PCDH15: variants seen among roughly 807,000 people sequenced by gnomAD.
The protein encoded by PCDH15 is protocadherin related 15.
In PCDH15, 129 loss-of-function variants were observed where a neutral mutation model predicts 178.5. That is an observed-to-expected ratio of 0.72 (90% CI 0.63 to 0.84). PCDH15 has a LOEUF of 0.84. Among genes scored for constraint, PCDH15 ranks in the 40% least tolerant of loss-of-function variants. The probability of loss-of-function intolerance (pLI) is 0.00; values close to 1 mark genes in which losing one functional copy is unlikely to be tolerated. For synonymous variants in PCDH15, 800 were observed against 732.0 expected (o/e 1.09, Z -1.50); for missense variants, 2,230 against 2,099.9 (o/e 1.06, Z -1.21).
intron 10 of PCDH15, among the ~76,000 whole-genome samples, chr10:54,201,749 AGT>A (rs10592446): frequency 0.9 from 136,663 of 152,042 alleles, 61,577 homozygotes; most frequent in East Asian, 0.98. Context: ...ATGTTTTTCC[AGT>A]GTGTGTGTGT....
intron 23 of PCDH15, among the ~76,000 whole-genome samples, chr10:53,949,144 G>A (rs2086807270): frequency 6.6e-6 from 1 of 152,180 alleles, no homozygotes; most frequent in Non-Finnish European, 1.5e-5. Flanking sequence ...AAATGTGAAA[G>A]AGAAATTAAA....
intron 3 of PCDH15, among the ~76,000 whole-genome samples, chr10:54,437,346 C>A (rs527469247): frequency 6.6e-6 from 1 of 152,156 alleles, no homozygotes; most frequent in African/African-American, 2.4e-5. Flanking sequence ...AACAAATTAT[C>A]TGTAAGCTAA....
intron 2 of PCDH15, among the ~76,000 whole-genome samples, chr10:55,091,857 A>G (rs1842326489): frequency 6.6e-6 from 1 of 151,938 alleles, no homozygotes; most frequent in South Asian, 2.1e-4. Flanking sequence ...ACAAACAAAC[A>G]AAAAACATTT....
chr10:55,603,245 G>A (rs1483920232), intron 2 of PCDH15, among the ~76,000 whole-genome samples: 1 of 151,774 alleles, frequency 6.6e-6, no homozygotes, highest in African/African-American at 2.4e-5. Flanking sequence ...GGGACTATGT[G>A]AGATGACCAA....
chr10:54,424,797 G>A (rs1157203629), intron 3 of PCDH15, among the ~76,000 whole-genome samples: 2 of 147,660 alleles, frequency 1.4e-5, no homozygotes, highest in Admixed American at 6.9e-5. Flanking sequence ...CTCATAGGTG[G>A]GAATTGAACA....
At chr10:53,884,404 A>T (rs2080948021) in intron 26 of PCDH15, among the ~76,000 whole-genome samples, 1 of 152,154 alleles carries the variant, frequency 6.6e-6, no homozygotes, top group South Asian at 2.1e-4. Context: ...CCATTTCTAA[A>T]CCATGGAAGA....
At chr10:54,461,826 T>C (rs1349506352) in intron 3 of PCDH15, among the ~76,000 whole-genome samples, 1 of 152,108 alleles carries the variant, frequency 6.6e-6, no homozygotes, top group Non-Finnish European at 1.5e-5. Context: ...GACAAATTCT[T>C]ATGGTAATGT....
chr10:54,046,074 A>G (rs2093649320), intron 18 of PCDH15, among the ~76,000 whole-genome samples: 2 of 152,198 alleles, frequency 1.3e-5, no homozygotes, highest in African/African-American at 4.8e-5. Context: ...TCAAAATAGT[A>G]AGTAAATATA....
chr10:55,609,505 C>T (rs923688818), intron 2 of PCDH15, among the ~76,000 whole-genome samples: 1 of 151,766 alleles, frequency 6.6e-6, no homozygotes. Context: ...AAAATTGTGC[C>T]CACTGTTCAG....
At chr10:54,046,116 C>T (rs117105650) in intron 18 of PCDH15, among the ~76,000 whole-genome samples, 1,713 of 152,214 alleles carry the variant, frequency 0.011, 15 homozygotes, top group Non-Finnish European at 0.018. Context: ...TAGCAAAATG[C>T]TAATCACGAT....
intron 2 of PCDH15, among the ~76,000 whole-genome samples, chr10:55,507,688 A>G (rs988075261): frequency 1.3e-5 from 2 of 150,114 alleles, no homozygotes; most frequent in Non-Finnish European, 3.0e-5. Flanking sequence ...AAAGTGACCA[A>G]TTTGGGTCTT....
intron 2 of PCDH15, among the ~76,000 whole-genome samples, chr10:54,584,319 A>C (rs901823474): frequency 6.6e-6 from 1 of 152,120 alleles, no homozygotes; most frequent in Admixed American, 6.6e-5. Flanking sequence ...ACTTGGATGC[A>C]GGGTTTTGAG....
chr10:53,841,316 T>C (rs2077629152), intron 28 of PCDH15, among the ~76,000 whole-genome samples: 1 of 152,138 alleles, frequency 6.6e-6, no homozygotes, highest in Non-Finnish European at 1.5e-5. Context: ...TTTTAATTAC[T>C]ATATATGATA....
chr10:53,881,230 T>C (rs1057221253), intron 26 of PCDH15, among the ~76,000 whole-genome samples: 4 of 152,128 alleles, frequency 2.6e-5, no homozygotes, highest in African/African-American at 9.7e-5. Flanking sequence ...TGCATGTTCT[T>C]ACTTATACGT....
intron 11 of PCDH15, among the ~76,000 whole-genome samples, chr10:54,194,630 A>G (rs61256908): frequency 0.031 from 3,676 of 120,108 alleles, 59 homozygotes; most frequent in Middle Eastern, 0.092. Context: ...GTGTGTGTGT[A>G]TGTATACCTG....
intron 18 of PCDH15, among the ~76,000 whole-genome samples, chr10:54,057,098 G>T (rs1214604905): frequency 6.6e-6 from 1 of 151,850 alleles, no homozygotes; most frequent in African/African-American, 2.4e-5. Context: ...CCCACTCCTG[G>T]TTGTTTTCAT....
intron 14 of PCDH15, among the ~76,000 whole-genome samples, chr10:54,144,072 T>G (rs1317460772): frequency 1.1e-5 from 1 of 90,940 alleles, no homozygotes; most frequent in Non-Finnish European, 1.9e-5. Flanking sequence ...ATGACTTGCC[T>G]TTGTTGGAAG....
At chr10:54,059,324 G>A (rs568660606) in intron 18 of PCDH15, among the ~76,000 whole-genome samples, 1 of 151,962 alleles carries the variant, frequency 6.6e-6, no homozygotes, top group African/African-American at 2.4e-5. Context: ...GCTAAATTGG[G>A]TCTACTGTTG....
chr10:55,524,865 A>G (rs1014845324), intron 2 of PCDH15, among the ~76,000 whole-genome samples: 16 of 151,802 alleles, frequency 1.1e-4, no homozygotes, highest in African/African-American at 3.6e-4. Context: ...AATTAAGGCA[A>G]TTAGTTAACT....
Sources: allele counts gnomAD v4.1 joint callset (sites outside exome capture counted in the v4.1 genomes callset), GRCh38; gene constraint gnomAD v4.1.1; transcripts MANE v1.5; gene names NCBI Gene and HGNC (gene_info 2026-07-23, HGNC 2026-07-21).